The following SPINK5 variants were observed in gnomAD, a reference collection of about 807,000 sequenced individuals.
SPINK5 encodes serine protease inhibitor Kazal-type 5.
A neutral mutation model predicts 151.8 loss-of-function variants in SPINK5; 125 were observed. That is an observed-to-expected ratio of 0.82 (90% CI 0.71 to 0.96). The LOEUF (loss-of-function observed/expected upper bound fraction) is 0.96, where lower values mean the gene tolerates loss of function less well. Ranked by LOEUF, SPINK5 falls within the 40% of genes least tolerant of loss-of-function variation. The pLI, the probability that SPINK5 is intolerant of heterozygous loss-of-function variation, is 0.00. For synonymous variants in SPINK5, 374 were observed against 395.3 expected (o/e 0.95, Z 0.64); for missense variants, 1,194 against 1,291.9 (o/e 0.92, Z 1.16).
In SPINK5 at chr5:148,128,713, C is replaced by T. The variant is rs564763270; in HGVS notation, c.2964+1634C>T. On this transcript the variant is annotated intron_variant, in intron 30 of 32. Transcript: ENST00000256084. ...TAATTTTTTGTATTTTTAGTAGAGA[C>T]GGGGTTTCACTGTGTTAGCCAGGAT... Among the ~76,000 whole-genome samples, 11 of 152,096 alleles carry T rather than the reference C, an allele frequency of 7.2e-5. No individual in the cohort carries two copies. In the East Asian group the frequency reaches 1.2e-3, roughly 16 times the overall value.
At chr5:148,080,060 G>T (rs570215274) in intron 4 of SPINK5, among the ~76,000 whole-genome samples, 142 of 151,144 alleles carry the variant, frequency 9.4e-4, no homozygotes, top group African/African-American at 3.2e-3. Context: ...AGTTTAGTAA[G>T]ATTTCGGTGT....
chr5:148,114,530 T>C (rs1380122585), intron 21 of SPINK5, 41 bp downstream of exon 21: 2 of 1,611,026 alleles, frequency 1.2e-6, no homozygotes, highest in Non-Finnish European at 8.5e-7. Flanking sequence ...GATGGTGGAA[T>C]TGGGGAAGCA....
At chr5:148,112,445 C>T (rs1360715230) in intron 19 of SPINK5, among the ~76,000 whole-genome samples, 6 of 151,974 alleles carry the variant, frequency 3.9e-5, no homozygotes, top group Admixed American at 1.3e-4. Context: ...GAGGCCGAGG[C>T]GGGCAGATGA....
At chr5:148,079,791 T>C (rs1752972451) in intron 4 of SPINK5, among the ~76,000 whole-genome samples, 1 of 151,340 alleles carries the variant, frequency 6.6e-6, no homozygotes, top group African/African-American at 2.4e-5. Context: ...AACCTACAAC[T>C]AACATTATAA....
chr5:148,116,511 C>T (rs1754097121), intron 22 of SPINK5, 45 bp downstream of exon 22: 1 of 1,568,600 alleles, frequency 6.4e-7, no homozygotes, highest in South Asian at 1.1e-5. Context: ...GGCTCAACTC[C>T]TTGACAATAG....
At chr5:148,081,708 T>C (rs1753025370) in intron 4 of SPINK5, among the ~76,000 whole-genome samples, 1 of 151,646 alleles carries the variant, frequency 6.6e-6, no homozygotes, top group African/African-American at 2.4e-5. Context: ...TACAACTCTT[T>C]CCATTTACTA....
intron 4 of SPINK5, among the ~76,000 whole-genome samples, chr5:148,076,214 C>T (rs1752876672): frequency 6.6e-6 from 1 of 151,684 alleles, no homozygotes. Flanking sequence ...AGTATTTGAA[C>T]ACAAACTGTG....
At chr5:148,094,567 G>A in intron 9 of SPINK5, 86 bp downstream of exon 9, 2 of 1,604,136 alleles carry the variant, frequency 1.2e-6, no homozygotes, top group Non-Finnish European at 1.7e-6. Flanking sequence ...AACTTTGAAA[G>A]GAAGCTTTGT....
intron 30 of SPINK5, 24 bp from the exon 31 acceptor site, chr5:148,131,234 TC>T (rs1561708886): frequency 6.2e-7 from 1 of 1,613,260 alleles, no homozygotes; most frequent in East Asian, 2.2e-5. Flanking sequence ...ATAAAGTACG[TC>T]TGCTTTATTT....
chr5:148,116,555 G>A, intron 22 of SPINK5, 89 bp downstream of exon 22: 1 of 1,291,386 alleles, frequency 7.7e-7, no homozygotes. Flanking sequence ...TATGGTAAAG[G>A]CAGTGCTAAG....
Position 148,104,971 on chromosome 5 carries a change from A to G in SPINK5, c.1450A>G (p.Arg484Gly), listed in dbSNP as rs201447641. ...TTAAAGTCAACAAGAAGAAAGAGCA[A>G]GAGCAAAGGCTAAAAGAGAAGCTGC... ...EAFFQQEERA[R>G]AKAKREAAKE... The change falls in exon 16 of 33, where the codon AGA becomes GGA. Residue 484 changes from arginine to glycine, a missense_variant. Physicochemically the swap from Arg to Gly is moderately radical, Grantham distance 125. Coordinates refer to ENST00000256084, the MANE Select transcript of SPINK5 (RefSeq NM_006846.4). 6.2e-7 allele frequency: 1 copy of G among 1,613,870 alleles called. No homozygotes were observed. The highest frequency in any genetic ancestry group is 2.2e-5 in the East Asian group (1 of 44,840).
chr5:148,085,727 T>C (rs889102992), intron 4 of SPINK5, among the ~76,000 whole-genome samples: 1 of 151,916 alleles, frequency 6.6e-6, no homozygotes, highest in Non-Finnish European at 1.5e-5. Flanking sequence ...TCTCCTGCCG[T>C]ACCTAAAAGA....
chr5:148,101,896 G>A lies in SPINK5; in HGVS notation c.1418G>A (p.Cys473Tyr), dbSNP rs1389534622. ...GKMHGNTCSMCEAFFQQEERA... is the reference protein window; with the variant it reads ...GKMHGNTCSMYEAFFQQEERA... The stretch of plus-strand genomic sequence containing the variant: ...ATGCATGGCAACACCTGCTCCATGT[G>A]TGAGGCCTTCTTGTGAGTAGAGCAG... The change falls in exon 15 of 33, where the codon TGT becomes TAT. Residue 473 changes from cysteine (C) to tyrosine (Y), a missense_variant. By Grantham distance (194) the Cys-to-Tyr change is radical (BLOSUM62 -2). Transcript: ENST00000256084. The A allele has an allele frequency of 6.2e-7, 1 of 1,613,684 alleles. No homozygotes were observed.
intron 6 of SPINK5, 189 bp from the exon 7 acceptor site, chr5:148,089,305 A>G (rs1280947410): frequency 1.4e-6 from 1 of 736,552 alleles, no homozygotes; most frequent in Non-Finnish European, 2.4e-6. Context: ...AAATGAATAA[A>G]CAAGTAAAAA....
rs1340822352 is a variant in SPINK5, at chr5:148,072,131, T to A, written c.210-17T>A. 2 of 1,610,422 alleles carry A rather than the reference T, an allele frequency of 1.2e-6. No homozygotes were observed. The highest frequency in any genetic ancestry group is 1.6e-4 in the Middle Eastern group (1 of 6,066). ...GCAAACAATGTTTAAACTATGCTAT[T>A]TCTTGTCCTTTTCCAGGGAAAAAGA... On this transcript the variant is annotated splice_polypyrimidine_tract_variant and intron_variant, in intron 3 of 32. Transcript: ENST00000256084.
chr5:148,134,012 C>T (rs1358871547), intron 32 of SPINK5, 125 bp downstream of exon 32: 3 of 911,252 alleles, frequency 3.3e-6, no homozygotes, highest in Middle Eastern at 4.3e-4. Context: ...GTCAGGTGAC[C>T]CAGAATTGGT....
chr5:148,083,464 G>C (rs74871842), intron 4 of SPINK5, among the ~76,000 whole-genome samples: 2 of 150,866 alleles, frequency 1.3e-5, no homozygotes, highest in Non-Finnish European at 3.0e-5. Flanking sequence ...AAATATTTTC[G>C]GTTACTATAT....
At position 148,088,571 on chromosome 5, in the gene SPINK5, G is replaced by A. The variant is rs374790471; in HGVS notation, c.440G>A (p.Ser147Asn). Residue 147 changes from serine to asparagine, a missense_variant, in exon 6 of 33, where the codon AGT becomes AAT. Coordinates refer to ENST00000256084, the MANE Select transcript of SPINK5 (RefSeq NM_006846.4). ...AKTGSQIGVK[S>N]EGECKSSNPE... Reference sequence around the variant, plus strand: ...ACCGGGTCCCAAATTGGTGTAAAAAGTGAAGGGGAATGTAAGAGCAGTAAT... The same window carrying A: ...ACCGGGTCCCAAATTGGTGTAAAAAATGAAGGGGAATGTAAGAGCAGTAAT... 1.9e-5 allele frequency: 31 copies of A among 1,611,714 alleles called. No homozygotes were observed. Among genetic ancestry groups the A allele is most frequent in the Non-Finnish European group, 2.3e-5 (27 of 1,178,632 alleles).
chr5:148,129,520 G>T (rs535809255), intron 30 of SPINK5, among the ~76,000 whole-genome samples: 120 of 146,628 alleles, frequency 8.2e-4, no homozygotes, highest in African/African-American at 2.6e-3. Context: ...AAAATGAAGA[G>T]AGAGAGAGAG....
Sources: gnomAD v4.1 joint callset for allele counts (sites outside exome capture counted in the v4.1 genomes callset) on GRCh38, gnomAD v4.1.1 for gene constraint, MANE v1.5 for transcripts, NCBI Gene and HGNC (gene_info 2026-07-23, HGNC 2026-07-21) for gene names.